SYT1: variants seen among roughly 807,000 people sequenced by gnomAD.
SYT1 encodes synaptotagmin 1.
A neutral mutation model predicts 44.8 loss-of-function variants in SYT1; 8 were observed. The ratio of observed to expected loss-of-function variants is 0.18; its 90% CI spans 0.10 to 0.32. The LOEUF is 0.32. Ranked by LOEUF, SYT1 falls within the 10% of genes least tolerant of loss-of-function variation. The pLI, the probability that SYT1 is intolerant of heterozygous loss-of-function variation, is 1.00. For synonymous variants in SYT1, 154 were observed against 188.8 expected, an observed-to-expected ratio of 0.82 and a Z score of 1.51; for missense variants, 286 against 509.3, an observed-to-expected ratio of 0.56 and a Z score of 4.22.
chr12:79,227,745 A>G (rs1390554207), intron 4 of SYT1, among the ~76,000 whole-genome samples: 1 of 152,188 alleles, frequency 6.6e-6, no homozygotes, highest in East Asian at 1.9e-4. Flanking sequence ...TACTCCCATC[A>G]TAGGGTTGTT....
At chr12:79,236,753 T>C (rs1406541751) in intron 4 of SYT1, among the ~76,000 whole-genome samples, 1 of 152,142 alleles carries the variant, frequency 6.6e-6, no homozygotes, top group Non-Finnish European at 1.5e-5. Flanking sequence ...GGATATAAAA[T>C]AGAATAAGCC....
chr12:78,918,429 G>C (rs1246641986), intron 1 of SYT1, among the ~76,000 whole-genome samples: 1 of 152,094 alleles, frequency 6.6e-6, no homozygotes, highest in Non-Finnish European at 1.5e-5. Context: ...CCAGGGCAGA[G>C]TTGACTGATT....
chr12:79,085,927 C>T (rs1472898166), intron 3 of SYT1, among the ~76,000 whole-genome samples: 1 of 152,026 alleles, frequency 6.6e-6, no homozygotes, highest in Non-Finnish European at 1.5e-5. Flanking sequence ...ACAAGATGAA[C>T]TCTAAGATTA....
At chr12:79,117,142 G>T (rs888702847) in intron 3 of SYT1, among the ~76,000 whole-genome samples, 1 of 152,068 alleles carries the variant, frequency 6.6e-6, no homozygotes, top group Admixed American at 6.6e-5. Flanking sequence ...AGTGAGAGAT[G>T]GTGGTCCCAA....
chr12:79,386,479 C>G (rs1266214059), intron 9 of SYT1, among the ~76,000 whole-genome samples: 1 of 152,012 alleles, frequency 6.6e-6, no homozygotes, highest in African/African-American at 2.4e-5. Flanking sequence ...TTAGGTATTT[C>G]TCTTAATGCT....
upstream of SYT1, chr12:78,864,235 C>T (rs1218947728): frequency 6.6e-6 from 1 of 152,370 alleles, no homozygotes; most frequent in African/African-American, 2.4e-5. Flanking sequence ...TTCTACCTCT[C>T]CTGTCCCCGG....
At chr12:79,333,956 T>A (rs1166123008) in intron 8 of SYT1, among the ~76,000 whole-genome samples, 1 of 152,182 alleles carries the variant, frequency 6.6e-6, no homozygotes, top group African/African-American at 2.4e-5. Context: ...AATTCTCCAA[T>A]AAACTTTATA....
At chr12:78,932,103 A>C (rs537465317) in intron 1 of SYT1, among the ~76,000 whole-genome samples, 3 of 152,298 alleles carry the variant, frequency 2.0e-5, no homozygotes, top group Non-Finnish European at 4.4e-5. Flanking sequence ...TTGGCTTATA[A>C]AGTCTTCCCT....
At chr12:79,116,354 G>T (rs1019824963) in intron 3 of SYT1, among the ~76,000 whole-genome samples, 4 of 152,132 alleles carry the variant, frequency 2.6e-5, no homozygotes, top group Admixed American at 2.6e-4. Context: ...AGTGCTTGGG[G>T]TTTTACACTG....
intron 1 of SYT1, among the ~76,000 whole-genome samples, chr12:78,971,236 C>G (rs1868373164): frequency 1.3e-5 from 2 of 152,102 alleles, no homozygotes; most frequent in African/African-American, 4.8e-5. Context: ...AGACTAGATT[C>G]CTTTCTTAAC....
At position 79,200,147 on chromosome 12, in the gene SYT1, A is replaced by G. The variant is rs542294338; in HGVS notation, c.-17-17356A>G. 3.9e-5 allele frequency among the ~76,000 whole-genome samples: 6 copies of G among 152,280 alleles called. No homozygotes were observed. The South Asian group carries it at 1.2e-3, about 32-fold the overall frequency. On this transcript the variant is annotated intron_variant, in intron 3 of 10. Coordinates refer to ENST00000261205, the MANE Select transcript of SYT1 (RefSeq NM_005639.3). ...AGGACATAAAATTCTGTGCAACAAG[A>G]AAGTACCTTAACAAATCAGAAATTC... is the stretch of plus-strand genomic sequence containing the variant.
intron 3 of SYT1, among the ~76,000 whole-genome samples, chr12:79,085,303 C>T (rs557137918): frequency 1.3e-5 from 2 of 152,230 alleles, no homozygotes; most frequent in South Asian, 2.1e-4. Flanking sequence ...CCACTTGTGG[C>T]GTCATGTCTG....
At chr12:79,021,377 C>T in intron 2 of SYT1, among the ~76,000 whole-genome samples, 1 of 151,814 alleles carries the variant, frequency 6.6e-6, no homozygotes, top group Non-Finnish European at 1.5e-5. Flanking sequence ...TATTGTCTTT[C>T]ATAAGGGGCC....
At chr12:78,876,897 T>TAA (rs1874191345) in intron 1 of SYT1, among the ~76,000 whole-genome samples, 1 of 11,128 alleles carries the variant, frequency 9.0e-5, no homozygotes, top group Non-Finnish European at 2.1e-4. Flanking sequence ...ATAATATATA[T>TAA]TATATATTAT....
chr12:79,080,097 A>C (rs901031425), intron 3 of SYT1, among the ~76,000 whole-genome samples: 4 of 152,086 alleles, frequency 2.6e-5, no homozygotes, highest in Non-Finnish European at 4.4e-5. Flanking sequence ...CTTCAATAGC[A>C]AACTTTCTGC....
intron 3 of SYT1, among the ~76,000 whole-genome samples, chr12:79,109,022 G>C (rs1190459953): frequency 1.3e-5 from 2 of 152,142 alleles, no homozygotes; most frequent in East Asian, 1.9e-4. Context: ...AGCATGAGGA[G>C]GGCAGGGTTC....
chr12:79,141,903 G>C (rs552986008), intron 3 of SYT1, among the ~76,000 whole-genome samples: 1 of 152,290 alleles, frequency 6.6e-6, no homozygotes, highest in South Asian at 2.1e-4. Flanking sequence ...TCATTGGCTT[G>C]GGTTTCTTTC....
At chr12:78,904,533 T>C (rs1371406511) in intron 1 of SYT1, among the ~76,000 whole-genome samples, 1 of 152,140 alleles carries the variant, frequency 6.6e-6, no homozygotes, top group Non-Finnish European at 1.5e-5. Context: ...ACTCATTAAT[T>C]CTAGAGTAGC....
chr12:79,222,594 G>A (rs1417562478), intron 4 of SYT1, among the ~76,000 whole-genome samples: 2 of 152,026 alleles, frequency 1.3e-5, no homozygotes, highest in Non-Finnish European at 2.9e-5. Context: ...TGTTGGCCCA[G>A]CTGGTCTCGA....
Sources: gnomAD v4.1 joint callset for allele counts (sites outside exome capture counted in the v4.1 genomes callset) on GRCh38, gnomAD v4.1.1 for gene constraint, MANE v1.5 for transcripts, NCBI Gene and HGNC (gene_info 2026-07-23, HGNC 2026-07-21) for gene names.